Variants in DSE observed in about 807,000 individuals in gnomAD.
DSE encodes the protein dermatan sulfate epimerase.
A neutral mutation model predicts 84.4 loss-of-function variants in DSE; 36 were observed. The observed-to-expected ratio is 0.43, with a 90% CI of 0.33 to 0.56. The LOEUF is 0.56. DSE is among the 20% of genes least tolerant of loss of function. DSE has a pLI of 0.06. For missense variants in DSE, 862 were observed against 1,169.6 expected (o/e 0.74, Z 3.84); for synonymous variants, 410 against 430.1 (o/e 0.95, Z 0.58).
chr6:116,314,973 G>A (rs1319009512), intron 2 of DSE, among the ~76,000 whole-genome samples: 2 of 152,204 alleles, frequency 1.3e-5, no homozygotes, highest in Non-Finnish European at 2.9e-5. Flanking sequence ...TGTGTCCAGA[G>A]GTAGGCTCTG....
chr6:116,279,898 C>G (rs1462481131), intron 2 of DSE: 2 of 1,605,920 alleles, frequency 1.2e-6, no homozygotes, highest in East Asian at 2.2e-5. Flanking sequence ...GGGAGCTAAC[C>G]GCCGCTCGCA....
At chr6:116,339,918 CTT>C (rs1388203741) in intron 2 of DSE, among the ~76,000 whole-genome samples, 1 of 152,156 alleles carries the variant, frequency 6.6e-6, no homozygotes, top group Non-Finnish European at 1.5e-5. Flanking sequence ...TTGAATGTCT[CTT>C]TACTGATGGA....
intron 2 of DSE, among the ~76,000 whole-genome samples, chr6:116,293,431 C>A (rs1774429403): frequency 6.6e-6 from 1 of 151,928 alleles, no homozygotes; most frequent in South Asian, 2.1e-4. Flanking sequence ...TCCACCATGC[C>A]CAGCTAATTT....
At chr6:116,318,523 G>GGT (rs10658717) in intron 2 of DSE, among the ~76,000 whole-genome samples, 13 of 150,490 alleles carry the variant, frequency 8.6e-5, no homozygotes, top group African/African-American at 2.9e-4. Context: ...AAAAAAGAAA[G>GGT]AGAAGAAGAC....
At chr6:116,419,026 A>G (rs530181542) in intron 2 of DSE, among the ~76,000 whole-genome samples, 40 of 152,304 alleles carry the variant, frequency 2.6e-4, no homozygotes, top group African/African-American at 9.4e-4. Context: ...TTGCTTCACA[A>G]TGCCAGTGCT....
At chr6:116,313,220 A>C (rs1484593506) in intron 2 of DSE, among the ~76,000 whole-genome samples, 1 of 152,238 alleles carries the variant, frequency 6.6e-6, no homozygotes, top group Non-Finnish European at 1.5e-5. Context: ...CAAGGAAGGA[A>C]CATCCCCTGT....
At chr6:116,397,199 C>T (rs1423752237) in intron 1 of DSE, among the ~76,000 whole-genome samples, 5 of 134,928 alleles carry the variant, frequency 3.7e-5, no homozygotes, top group Admixed American at 8.1e-5. Context: ...ATATTATTCT[C>T]TTTCTTTCTT....
At chr6:116,387,939 G>T (rs1352416807) in intron 1 of DSE, among the ~76,000 whole-genome samples, 1 of 152,140 alleles carries the variant, frequency 6.6e-6, no homozygotes, top group Non-Finnish European at 1.5e-5. Flanking sequence ...AGATTCTGGA[G>T]AGTGAGTACT....
At chr6:116,279,392 C>A (rs1260649934) in intron 2 of DSE, 10 of 1,613,086 alleles carry the variant, frequency 6.2e-6, no homozygotes, top group South Asian at 1.1e-5. Flanking sequence ...GCCTCCGCCC[C>A]CGCCGTCAGC....
At chr6:116,280,286 G>T in intron 2 of DSE, 1 of 222,348 alleles carries the variant, frequency 4.5e-6, no homozygotes, top group Non-Finnish European at 9.3e-6. Flanking sequence ...GTTACTCCAC[G>T]TAACTAGCAG....
intron 2 of DSE, chr6:116,279,121 A>T: frequency 6.2e-7 from 1 of 1,614,112 alleles, no homozygotes; most frequent in Non-Finnish European, 8.5e-7. Flanking sequence ...GTCCAGTTCC[A>T]GCTGGATGGC....
At chr6:116,382,866 T>C (rs544404830) in intron 1 of DSE, among the ~76,000 whole-genome samples, 318 of 152,218 alleles carry the variant, frequency 2.1e-3, no homozygotes, top group Non-Finnish European at 3.9e-3. Context: ...ACTGAGAAAG[T>C]TAGAAATATC....
chr6:116,389,554 A>T (rs563628388), intron 1 of DSE, among the ~76,000 whole-genome samples: 1 of 152,314 alleles, frequency 6.6e-6, no homozygotes, highest in African/African-American at 2.4e-5. Flanking sequence ...CCTCTTAACC[A>T]TCTCACCAGT....
At chr6:116,321,121 G>C (rs896206374) in intron 2 of DSE, among the ~76,000 whole-genome samples, 4 of 152,096 alleles carry the variant, frequency 2.6e-5, no homozygotes, top group African/African-American at 9.6e-5. Flanking sequence ...TGCTTCCCAG[G>C]TCACACTTTC....
At chr6:116,431,307 A>G (rs1783824900) in intron 4 of DSE, 114 bp downstream of exon 4, 2 of 1,369,494 alleles carry the variant, frequency 1.5e-6, no homozygotes, top group Non-Finnish European at 9.7e-7. Flanking sequence ...TCATATTGAA[A>G]TTAAATAGAT....
chr6:116,391,862 C>T (rs1481156883), intron 1 of DSE, among the ~76,000 whole-genome samples: 2 of 151,158 alleles, frequency 1.3e-5, no homozygotes, highest in African/African-American at 2.4e-5. Flanking sequence ...TTTTAGGGAA[C>T]GATTCTGCAG....
At chr6:116,353,881 A>T (rs931911127) in intron 2 of DSE, among the ~76,000 whole-genome samples, 6 of 152,140 alleles carry the variant, frequency 3.9e-5, no homozygotes, top group East Asian at 1.9e-4. Context: ...TTTTAAATTT[A>T]AAAAAATCTT....
chr6:116,409,630 G>A (rs922153637), intron 2 of DSE, among the ~76,000 whole-genome samples: 1 of 152,150 alleles, frequency 6.6e-6, no homozygotes, highest in African/African-American at 2.4e-5. Flanking sequence ...ATTAGGCATT[G>A]GAGATACAAA....
chr6:116,430,878 G>A lies in DSE; in HGVS notation c.671-76G>A. On this transcript the variant is annotated intron_variant, in intron 3 of 5. Coordinates refer to ENST00000644252, the MANE Select transcript of DSE (RefSeq NM_013352.4). ...TATAAACTAGTTAGATAACTCAGAG[G>A]GTTTTATTGGCCATATTTTTGTTTA... The A allele has an allele frequency of 1.9e-6, 3 of 1,566,382 alleles. No homozygotes were observed. The Admixed American group carries it at 5.4e-5, about 28-fold the overall frequency.
Sources: allele counts gnomAD v4.1 joint callset (sites outside exome capture counted in the v4.1 genomes callset), GRCh38; gene constraint gnomAD v4.1.1; transcripts MANE v1.5; gene names NCBI Gene and HGNC (gene_info 2026-07-23, HGNC 2026-07-21).